The following ADGRL2 variants were observed in gnomAD, a reference collection of about 807,000 sequenced individuals.
The protein encoded by ADGRL2 is calcium-independent alpha-latrotoxin receptor 2.
In ADGRL2, 44 loss-of-function variants were observed where a neutral mutation model predicts 157.4. That is an observed-to-expected ratio of 0.28 (90% confidence interval 0.22 to 0.36). ADGRL2 has a LOEUF of 0.36. ADGRL2 is among the 10% of genes least tolerant of loss of function. ADGRL2 has a pLI of 1.00. For missense variants in ADGRL2, 1,510 were observed against 1,768.9 expected (o/e 0.85, Z 2.63); for synonymous variants, 585 against 624.7 (o/e 0.94, Z 0.95).
intron 1 of ADGRL2, among the ~76,000 whole-genome samples, chr1:81,366,641 C>T (rs978712182): frequency 7.9e-5 from 12 of 152,134 alleles, no homozygotes; most frequent in Non-Finnish European, 1.5e-4. Context: ...CTTGTCTTGG[C>T]CAGAATTTCA....
At chr1:81,576,104 T>C (rs2080793260) in intron 2 of ADGRL2, among the ~76,000 whole-genome samples, 1 of 152,126 alleles carries the variant, frequency 6.6e-6, no homozygotes, top group Non-Finnish European at 1.5e-5. Flanking sequence ...AGGTTTTTGC[T>C]TTTCAGTTTA....
intron 2 of ADGRL2, among the ~76,000 whole-genome samples, chr1:81,505,737 C>A (rs2078959004): frequency 8.8e-6 from 1 of 113,450 alleles, no homozygotes; most frequent in African/African-American, 3.8e-5. Flanking sequence ...AGATGTCCTC[C>A]TGCAAAAAAA....
chr1:81,939,887 T>A (rs1394767207), intron 4 of ADGRL2, among the ~76,000 whole-genome samples: 4 of 151,402 alleles, frequency 2.6e-5, no homozygotes, highest in African/African-American at 9.7e-5. Context: ...AATGTTTTCC[T>A]TATGTGATTC....
intron 18 of ADGRL2, chr1:81,980,821 A>G (rs1051931638): frequency 4.2e-6 from 3 of 720,666 alleles, no homozygotes; most frequent in Non-Finnish European, 7.9e-6. Flanking sequence ...GATGGCTACT[A>G]TAATACGGAC....
chr1:81,581,721 A>T (rs973853621), intron 3 of ADGRL2, among the ~76,000 whole-genome samples: 1 of 152,132 alleles, frequency 6.6e-6, no homozygotes, highest in African/African-American at 2.4e-5. Context: ...GTTTCAAAGC[A>T]TTTCCTTCTG....
chr1:81,673,142 G>T (rs2148923300), intron 3 of ADGRL2, among the ~76,000 whole-genome samples: 1 of 152,280 alleles, frequency 6.6e-6, no homozygotes, highest in Admixed American at 6.5e-5. Flanking sequence ...GGCATTTAAA[G>T]AAAGAATATC....
chr1:81,538,044 A>G (rs2079788931), intron 2 of ADGRL2, among the ~76,000 whole-genome samples: 1 of 152,194 alleles, frequency 6.6e-6, no homozygotes, highest in South Asian at 2.1e-4. Context: ...CATAAATAAA[A>G]TGTCCTTTCA....
chr1:81,488,054 C>G (rs898833095), intron 2 of ADGRL2, among the ~76,000 whole-genome samples: 1 of 152,056 alleles, frequency 6.6e-6, no homozygotes, highest in Non-Finnish European at 1.5e-5. Flanking sequence ...GCTACCCCTG[C>G]CCCCCGCCCG....
intron 1 of ADGRL2, among the ~76,000 whole-genome samples, chr1:81,826,817 A>G (rs967975539): frequency 6.6e-5 from 10 of 152,144 alleles, no homozygotes; most frequent in Non-Finnish European, 1.5e-4. Context: ...CTTCCAGTCA[A>G]ACACCTAGAT....
At chr1:81,950,115 C>A in intron 6 of ADGRL2, 74 bp from the exon 7 acceptor site, 1 of 1,254,774 alleles carries the variant, frequency 8.0e-7, no homozygotes, top group Non-Finnish European at 1.1e-6. Flanking sequence ...TGCATGCACA[C>A]ATTCCATGTG....
chr1:81,596,162 C>G, intron 3 of ADGRL2: 1 of 485,748 alleles, frequency 2.1e-6, no homozygotes, highest in Middle Eastern at 7.0e-4. Flanking sequence ...TAAGCATCCG[C>G]AATGGTGACT....
rs530407560 is a variant in ADGRL2 at position 81,676,425 on chromosome 1, A to G, written c.-142-85386A>G. Among the ~76,000 whole-genome samples, 3 of 152,084 alleles carry G rather than the reference A, an allele frequency of 2.0e-5. No homozygotes were observed. The South Asian group carries it at 6.2e-4, about 32-fold the overall frequency. ...TGATCCTACCACCTCAGCCTCCCGA[A>G]TAGCTAGGACTACAGGAACACAGCA... On this transcript the variant is annotated intron_variant, in intron 3 of 24. Coordinates refer to the ADGRL2 transcript ENST00000370721.
At chr1:81,603,010 T>A (rs1203638148) in intron 3 of ADGRL2, among the ~76,000 whole-genome samples, 1 of 152,070 alleles carries the variant, frequency 6.6e-6, no homozygotes, top group Non-Finnish European at 1.5e-5. Flanking sequence ...TAGCACGTGA[T>A]GGTAGAAGGT....
At chr1:81,948,812 G>A (rs1481759302) in intron 6 of ADGRL2, among the ~76,000 whole-genome samples, 1 of 152,140 alleles carries the variant, frequency 6.6e-6, no homozygotes, top group African/African-American at 2.4e-5. Context: ...ACATGCTTTA[G>A]AAGTTTCTCT....
At chr1:81,596,102 CTTTTT>C in intron 3 of ADGRL2, 2 of 340,040 alleles carry the variant, frequency 5.9e-6, no homozygotes, top group Non-Finnish European at 1.1e-5. Flanking sequence ...GAACTAGGAT[CTTTTT>C]TTTTTTTTTA....
chr1:81,391,411 A>G (rs1029508231), intron 1 of ADGRL2, among the ~76,000 whole-genome samples: 1 of 152,300 alleles, frequency 6.6e-6, no homozygotes, highest in Admixed American at 6.5e-5. Flanking sequence ...CTCTCTACCA[A>G]TGTATGCAGT....
At position 81,950,493 on chromosome 1, in the gene ADGRL2, TA is replaced by T; in HGVS notation, c.1504+14del. 1 of 1,606,052 alleles carries T rather than the reference TA, an allele frequency of 6.2e-7. No homozygotes were observed. Among genetic ancestry groups the T allele is most frequent in the Non-Finnish European group, 8.5e-7 (1 of 1,175,494 alleles). On this transcript the variant is annotated intron_variant, in intron 7 of 23. Coordinates refer to ENST00000686636, the MANE Select transcript of ADGRL2 (RefSeq NM_001366006.2). ...CTAAGGGAACAAGAGGTATTTTCTATAAACTACCATGCATACATTTTTCAAT... is the reference window on the plus strand; with the variant it reads ...CTAAGGGAACAAGAGGTATTTTCTATAACTACCATGCATACATTTTTCAAT...
intron 1 of ADGRL2, among the ~76,000 whole-genome samples, chr1:81,398,913 T>A (rs2076703821): frequency 6.6e-6 from 1 of 152,208 alleles, no homozygotes; most frequent in East Asian, 1.9e-4. Flanking sequence ...TTTGAGGAAC[T>A]TTGAGCTTCC....
chr1:81,820,607 A>T (rs887507236), intron 1 of ADGRL2, among the ~76,000 whole-genome samples: 2 of 151,472 alleles, frequency 1.3e-5, no homozygotes, highest in Admixed American at 1.3e-4. Context: ...CTATTTTTTA[A>T]ATTAGAGAAT....
Sources: allele counts gnomAD v4.1 joint callset (sites outside exome capture counted in the v4.1 genomes callset), GRCh38; gene constraint gnomAD v4.1.1; transcripts MANE v1.5; gene names NCBI Gene and HGNC (gene_info 2026-07-23, HGNC 2026-07-21).